ARSG: variants seen among roughly 807,000 people sequenced by gnomAD.
ARSG encodes ASG.
A neutral mutation model predicts 50.5 loss-of-function variants in ARSG; 37 were observed. That is an observed-to-expected ratio of 0.73 (90% CI 0.56 to 0.96). The LOEUF (loss-of-function observed/expected upper bound fraction) is 0.96. ARSG is among the 50% of genes least tolerant of loss of function. The probability of loss-of-function intolerance (pLI) is 0.00; values close to 1 mark genes in which losing one functional copy is unlikely to be tolerated. For synonymous variants in ARSG, 225 were observed against 254.6 expected (o/e 0.88, Z 1.11); for missense variants, 629 against 675.3 (o/e 0.93, Z 0.76).
Position 68,281,592 on chromosome 17 carries a change from A to T in ARSG, c.-552+22166A>T, listed in dbSNP as rs150606383. On this transcript the variant is annotated intron_variant, in intron 1 of 11. Transcript: ENST00000448504. ...CTGTCTCAAATAAATAAATAAATAA[A>T]TAAAATGGGTGAATAATCTGAGCAG... Among the ~76,000 whole-genome samples, 9 of 152,276 alleles carry T rather than the reference A, an allele frequency of 5.9e-5. No individual in the cohort carries two copies. In the East Asian group the frequency reaches 1.7e-3, roughly 29 times the overall value.
chr17:68,286,210 T>C (rs1486038871), intron 1 of ARSG, among the ~76,000 whole-genome samples: 2 of 152,196 alleles, frequency 1.3e-5, no homozygotes, highest in African/African-American at 4.8e-5. Flanking sequence ...GAAGTTCTGG[T>C]GCCAGCTGCC....
At chr17:68,421,983 C>T (rs528852379), downstream of ARSG, 34 of 754,754 alleles carry the variant, frequency 4.5e-5, no homozygotes, top group South Asian at 5.0e-4. Context: ...GGTCACCCAG[C>T]TTATTTAGGT....
Position 68,378,400 on chromosome 17 carries a change from C to T in ARSG, c.983-6664C>T, listed in dbSNP as rs373619198. 2.2e-4 allele frequency among the ~76,000 whole-genome samples: 34 copies of T among 152,308 alleles called. No homozygotes were observed. In the East Asian group the frequency reaches 3.7e-3, roughly 16 times the overall value. ...CTTGTCTTCCCTTTCCTTTCCTGGC[C>T]GAGCCGCCCAGCTCAGCTGATGGGA... On this transcript the variant is annotated intron_variant, in intron 8 of 11. Transcript: ENST00000621439. The surrounding 1 kb of genome is among the most constrained non-coding windows in gnomAD (Gnocchi z 4.4).
chr17:68,272,802 C>T (rs1555749494), intron 1 of ARSG: 2 of 1,611,590 alleles, frequency 1.2e-6, no homozygotes, highest in East Asian at 4.5e-5. Flanking sequence ...CAATGAGACC[C>T]ACATACTGCT....
chr17:68,331,564 G>A (rs1263519306), intron 2 of ARSG, among the ~76,000 whole-genome samples: 3 of 152,132 alleles, frequency 2.0e-5, no homozygotes, highest in Admixed American at 6.6e-5. Flanking sequence ...GTTTCACTGT[G>A]TTGCTCAGGC....
rs572627991 is a variant in ARSG, at chr17:68,378,433, G to C, written c.983-6631G>C. On this transcript the variant is annotated intron_variant, in intron 8 of 11. Coordinates refer to ENST00000621439, the MANE Select transcript of ARSG (RefSeq NM_001267727.2). The surrounding 1 kb of genome is among the most constrained non-coding windows in gnomAD (Gnocchi z 4.4). ...CCAGCTCAGCTGATGGGATGAGGCA[G>C]CGTCTCCTGGAGTCATCTTTTCACC... Among the ~76,000 whole-genome samples, 12 of 152,216 alleles carry C rather than the reference G, an allele frequency of 7.9e-5. No homozygotes were observed. Among genetic ancestry groups the C allele is most frequent in the Non-Finnish European group, 1.8e-4 (12 of 68,046 alleles).
At chr17:68,260,344 A>AT (rs1207575033) in intron 1 of ARSG, among the ~76,000 whole-genome samples, 10 of 151,858 alleles carry the variant, frequency 6.6e-5, no homozygotes, top group Non-Finnish European at 1.3e-4. Context: ...GAACCTAACC[A>AT]TTTTTCCCCC....
intron 1 of ARSG, among the ~76,000 whole-genome samples, chr17:68,303,606 G>A (rs909406370): frequency 6.6e-6 from 1 of 152,104 alleles, no homozygotes; most frequent in African/African-American, 2.4e-5. Flanking sequence ...ACGCCACTAT[G>A]CCTGGCTAAT....
chr17:68,346,247 G>A (rs1484126955), intron 3 of ARSG, among the ~76,000 whole-genome samples: 1 of 151,862 alleles, frequency 6.6e-6, no homozygotes, highest in Non-Finnish European at 1.5e-5. Flanking sequence ...TTGCAGGGAG[G>A]GAATAATGGA....
intron 5 of ARSG, among the ~76,000 whole-genome samples, chr17:68,355,805 C>G (rs2079009097): frequency 6.6e-6 from 1 of 151,112 alleles, no homozygotes; most frequent in Non-Finnish European, 1.5e-5. Flanking sequence ...TTTTTTCCAA[C>G]TGCTGAAGTT....
rs184383415 is a variant in ARSG at position 68,391,325 on chromosome 17, A to C, written c.1092-3748A>C. Among the ~76,000 whole-genome samples the C allele has an allele frequency of 5.6e-3, 850 of 152,304 alleles. 12 individuals are homozygous for C. Among genetic ancestry groups the C allele is most frequent in the Non-Finnish European group, 5.5e-3 (375 of 68,026 alleles). Reference sequence around the variant, plus strand: ...GACTATTTGACAGCCCAAGCTTGCCAAATCGGGATGGGGCTGCCTCGAGTG... The same window carrying C: ...GACTATTTGACAGCCCAAGCTTGCCCAATCGGGATGGGGCTGCCTCGAGTG... On this transcript the variant is annotated intron_variant, in intron 9 of 11. Transcript: ENST00000621439.
At chr17:68,444,512 A>T in the ARSG span, 1 of 1,613,940 alleles carries the variant, frequency 6.2e-7, no homozygotes, top group African/African-American at 1.3e-5. Context: ...TTGCAGGAAT[A>T]TCCAGGAGGG....
chr17:68,358,505 A>C (rs2079135381), intron 6 of ARSG, among the ~76,000 whole-genome samples: 1 of 151,940 alleles, frequency 6.6e-6, no homozygotes, highest in African/African-American at 2.4e-5. Context: ...CCTGACCAAC[A>C]CGGTGAAACC....
At chr17:68,377,380 A>G (rs2080203485) in intron 8 of ARSG, among the ~76,000 whole-genome samples, 1 of 152,210 alleles carries the variant, frequency 6.6e-6, no homozygotes, top group Non-Finnish European at 1.5e-5. Context: ...CTTTGAACCT[A>G]GCAATTGTCA....
Position 68,404,080 on chromosome 17 carries a change from T to G in ARSG, c.1303+2630T>G, listed in dbSNP as rs572511822. ...TGCATAGTATTCCATGGTGTATATG[T>G]GCCACATTTTCTTAATCCAGTCTAT... On this transcript the variant is annotated intron_variant, in intron 11 of 11. Coordinates refer to ENST00000621439, the MANE Select transcript of ARSG (RefSeq NM_001267727.2). 1.1e-4 allele frequency among the ~76,000 whole-genome samples: 17 copies of G among 152,270 alleles called. No homozygotes were observed. The East Asian group carries it at 2.5e-3, about 22-fold the overall frequency.
chr17:68,373,165 G>A (rs556881887), intron 8 of ARSG, among the ~76,000 whole-genome samples: 10 of 151,636 alleles, frequency 6.6e-5, no homozygotes, highest in African/African-American at 2.2e-4. Context: ...CACCTGCCTC[G>A]GCCTCCCAAA....
At chr17:68,450,065 C>T in the ARSG span, among the ~76,000 whole-genome samples, 6 of 152,172 alleles carry the variant, frequency 3.9e-5, no homozygotes, top group Non-Finnish European at 8.8e-5. Flanking sequence ...AGGAAATCTG[C>T]TAACACCCCC....
intron 2 of ARSG, among the ~76,000 whole-genome samples, chr17:68,327,790 G>C (rs138562057): frequency 0.01 from 1,566 of 152,274 alleles, 86 homozygotes; most frequent in Admixed American, 0.087. Context: ...GGTTGAGCCA[G>C]AGCATGACGG....
chr17:68,349,786 AG>A (rs1193497841), intron 4 of ARSG, among the ~76,000 whole-genome samples: 1 of 151,762 alleles, frequency 6.6e-6, no homozygotes. Flanking sequence ...GGGAGGCTGA[AG>A]CACGAGAATC....
Sources: allele counts gnomAD v4.1 joint callset (sites outside exome capture counted in the v4.1 genomes callset), GRCh38; gene constraint gnomAD v4.1.1; non-coding constraint Gnocchi (gnomAD v3.1); transcripts MANE v1.5; gene names NCBI Gene and HGNC (gene_info 2026-07-23, HGNC 2026-07-21).